Variants in SLC35F4 observed in about 807,000 individuals in gnomAD.
SLC35F4 encodes the protein chromosome 14 open reading frame 36.
A neutral mutation model predicts 44.2 loss-of-function variants in SLC35F4; 24 were observed. The observed-to-expected ratio is 0.54, with a 90% CI of 0.39 to 0.76. The LOEUF (loss-of-function observed/expected upper bound fraction) is 0.76, where lower values mean the gene tolerates loss of function less well. Ranked by LOEUF, SLC35F4 falls within the 30% of genes least tolerant of loss-of-function variation. SLC35F4 has a pLI of 0.00. For synonymous variants in SLC35F4, 238 were observed against 223.6 expected (o/e 1.06, Z -0.57); for missense variants, 562 against 586.1 (o/e 0.96, Z 0.42).
intron 1 of SLC35F4, among the ~76,000 whole-genome samples, chr14:57,693,426 C>T (rs1594810192): frequency 7.4e-6 from 1 of 135,040 alleles, no homozygotes; most frequent in African/African-American, 2.5e-5. Context: ...AGGGCAGGAA[C>T]ACCTGGCCCA....
chr14:57,964,100 A>G (rs553904839), intron 1 of SLC35F4, among the ~76,000 whole-genome samples: 16 of 152,268 alleles, frequency 1.1e-4, no homozygotes, highest in Non-Finnish European at 2.2e-4. Context: ...GACTTTGGGA[A>G]GACTCTGTTC....
chr14:57,778,695 C>T (rs1463679763), intron 1 of SLC35F4, among the ~76,000 whole-genome samples: 1 of 151,832 alleles, frequency 6.6e-6, no homozygotes, highest in Non-Finnish European at 1.5e-5. Context: ...ATGGTACATA[C>T]TCTAAAATCA....
intron 1 of SLC35F4, among the ~76,000 whole-genome samples, chr14:57,737,788 A>G (rs1356480651): frequency 6.6e-6 from 1 of 152,246 alleles, no homozygotes; most frequent in Non-Finnish European, 1.5e-5. Flanking sequence ...GAACAAAACC[A>G]CAGATGAGCA....
At chr14:57,696,782 G>T (rs574242786) in intron 1 of SLC35F4, among the ~76,000 whole-genome samples, 4 of 152,136 alleles carry the variant, frequency 2.6e-5, no homozygotes, top group Non-Finnish European at 5.9e-5. Context: ...CATGGATGAC[G>T]CTGGAAACCA....
intron 1 of SLC35F4, among the ~76,000 whole-genome samples, chr14:57,613,812 T>A (rs888127756): frequency 6.6e-6 from 1 of 152,244 alleles, no homozygotes; most frequent in African/African-American, 2.4e-5. Context: ...CTTGAGCAAG[T>A]TATCTTTCCT....
At position 57,865,981 on chromosome 14, in the gene SLC35F4, C is replaced by T. The variant is rs1338152496; in HGVS notation, c.-156G>A. On this transcript the variant is annotated 5_prime_UTR_variant, in exon 1 of 8. Transcript: ENST00000556826. ...CCACCGCCCGGCGCAGCACCGGCTCCGCATCACAGCGGCGGCGGCGGCGGC... is the reference window on the plus strand; with the variant it reads ...CCACCGCCCGGCGCAGCACCGGCTCTGCATCACAGCGGCGGCGGCGGCGGC... 2 of 411,500 alleles carry T rather than the reference C, an allele frequency of 4.9e-6. No individual in the cohort carries two copies. The highest frequency in any genetic ancestry group is 4.9e-5 in the Admixed American group (1 of 20,618). 25.5% of individuals were successfully genotyped at this position (411,500 alleles called of 1,614,324 possible). A position where few individuals can be genotyped will look rare whatever the true frequency, so the allele number is the denominator to read the frequency against.
chr14:57,659,582 A>G (rs908412459), intron 1 of SLC35F4, among the ~76,000 whole-genome samples: 4 of 152,194 alleles, frequency 2.6e-5, no homozygotes, highest in African/African-American at 7.2e-5. Flanking sequence ...CATAGAGGGT[A>G]AAGTATCTTG....
At chr14:57,638,384 G>T (rs963304040) in intron 1 of SLC35F4, among the ~76,000 whole-genome samples, 8 of 152,130 alleles carry the variant, frequency 5.3e-5, no homozygotes, top group Admixed American at 2.0e-4. Flanking sequence ...GCCCCAGAGT[G>T]AACATGGGTT....
chr14:57,760,247 G>A (rs902886434), intron 1 of SLC35F4, among the ~76,000 whole-genome samples: 17 of 152,014 alleles, frequency 1.1e-4, no homozygotes, highest in African/African-American at 3.9e-4. Flanking sequence ...TATTTTGCAT[G>A]TGGAAATCCA....
chr14:57,632,877 C>T (rs1421578770), intron 1 of SLC35F4, among the ~76,000 whole-genome samples: 1 of 151,950 alleles, frequency 6.6e-6, no homozygotes, highest in East Asian at 1.9e-4. Context: ...CTGTGCTTTG[C>T]CTCCCTCCCT....
At chr14:57,718,344 CTTT>C (rs1555376435) in intron 1 of SLC35F4, among the ~76,000 whole-genome samples, 4 of 41,358 alleles carry the variant, frequency 9.7e-5, no homozygotes, top group South Asian at 7.9e-4. Flanking sequence ...GATTTCCTTT[CTTT>C]TGAGTATTTA....
At chr14:57,703,916 C>A (rs553387658) in intron 1 of SLC35F4, among the ~76,000 whole-genome samples, 2 of 152,228 alleles carry the variant, frequency 1.3e-5, no homozygotes, top group South Asian at 2.1e-4. Flanking sequence ...GTATCCTGTT[C>A]TCTGGAAAAT....
At chr14:57,807,616 T>C (rs1226720727) in intron 1 of SLC35F4, among the ~76,000 whole-genome samples, 3 of 151,932 alleles carry the variant, frequency 2.0e-5, no homozygotes, top group Non-Finnish European at 4.4e-5. Flanking sequence ...CCAAATCTAC[T>C]GACTGATTTA....
intron 1 of SLC35F4, among the ~76,000 whole-genome samples, chr14:57,884,015 A>G (rs961950383): frequency 1.3e-5 from 2 of 152,224 alleles, no homozygotes; most frequent in Non-Finnish European, 2.9e-5. Context: ...GATAGAGACA[A>G]TAAGAGCCGT....
intron 1 of SLC35F4, among the ~76,000 whole-genome samples, chr14:57,907,142 A>G (rs1306164446): frequency 1.3e-5 from 2 of 152,224 alleles, no homozygotes; most frequent in African/African-American, 4.8e-5. Flanking sequence ...GCTGAGGGGC[A>G]GTGGTGCAAT....
chr14:57,728,606 C>T (rs369748839), intron 1 of SLC35F4, among the ~76,000 whole-genome samples: 118 of 151,686 alleles, frequency 7.8e-4, no homozygotes, highest in African/African-American at 2.2e-3. Context: ...AATTCCACTA[C>T]GCCCAGTTAA....
chr14:57,620,625 T>A (rs2140090501), intron 1 of SLC35F4, among the ~76,000 whole-genome samples: 1 of 152,268 alleles, frequency 6.6e-6, no homozygotes, highest in East Asian at 1.9e-4. Context: ...ATGCTTCCAG[T>A]TTTTGCCCAT....
intron 1 of SLC35F4, among the ~76,000 whole-genome samples, chr14:57,805,595 G>A (rs1881222808): frequency 6.6e-6 from 1 of 152,082 alleles, no homozygotes; most frequent in Non-Finnish European, 1.5e-5. Context: ...CATGGCTGGG[G>A]GAACAACACA....
At chr14:57,701,425 G>A (rs959825136) in intron 1 of SLC35F4, among the ~76,000 whole-genome samples, 2 of 152,154 alleles carry the variant, frequency 1.3e-5, no homozygotes, top group African/African-American at 4.8e-5. Flanking sequence ...ATGATAAAAA[G>A]TATAGTTATA....
Sources: allele counts gnomAD v4.1 joint callset (sites outside exome capture counted in the v4.1 genomes callset), GRCh38; gene constraint gnomAD v4.1.1; transcripts MANE v1.5; gene names NCBI Gene and HGNC (gene_info 2026-07-23, HGNC 2026-07-21).